Variants in RBMS3 observed in about 807,000 individuals in gnomAD.
RBMS3 encodes RNA binding motif single stranded interacting protein 3, also known as RNA-binding motif, single-stranded-interacting protein 3.
Under a neutral mutation model 66.8 loss-of-function variants are expected in RBMS3, and 27 were observed. That is an observed-to-expected ratio of 0.40 (90% CI 0.30 to 0.56). RBMS3 has a LOEUF of 0.56. Ranked by LOEUF, RBMS3 falls within the 20% of genes least tolerant of loss-of-function variation. RBMS3 has a pLI of 0.40. For synonymous variants in RBMS3, 188 were observed against 183.0 expected, an observed-to-expected ratio of 1.03 and a Z score of -0.22; for missense variants, 513 against 549.5, an observed-to-expected ratio of 0.93 and a Z score of 0.66.
chr3:29,708,758 A>G (rs1167391193), intron 4 of RBMS3, among the ~76,000 whole-genome samples: 1 of 152,182 alleles, frequency 6.6e-6, no homozygotes, highest in Admixed American at 6.5e-5. Flanking sequence ...AGGAATCATC[A>G]TAAGAAGACT....
chr3:29,961,774 T>C (rs1227491446), intron 12 of RBMS3, among the ~76,000 whole-genome samples: 1 of 151,682 alleles, frequency 6.6e-6, no homozygotes, highest in Non-Finnish European at 1.5e-5. Context: ...GCCCCCATGA[T>C]TCAATTACTT....
intron 1 of RBMS3, among the ~76,000 whole-genome samples, chr3:29,339,400 T>G (rs1268109214): frequency 6.6e-6 from 1 of 152,114 alleles, no homozygotes; most frequent in Non-Finnish European, 1.5e-5. Flanking sequence ...TGGCTGCAGG[T>G]CCTCGCAGAT....
intron 2 of RBMS3, among the ~76,000 whole-genome samples, chr3:29,436,928 G>C (rs1398177102): frequency 6.6e-6 from 1 of 152,224 alleles, no homozygotes; most frequent in Non-Finnish European, 1.5e-5. Flanking sequence ...TAATTGATGA[G>C]GGTAGTTGAG....
At chr3:29,545,959 A>G (rs1158998249) in intron 3 of RBMS3, among the ~76,000 whole-genome samples, 4 of 152,070 alleles carry the variant, frequency 2.6e-5, no homozygotes, top group African/African-American at 4.8e-5. Flanking sequence ...AACATTTTTT[A>G]ACATTTGTAA....
At chr3:29,288,682 C>T (rs539372675) in intron 1 of RBMS3, among the ~76,000 whole-genome samples, 1 of 152,106 alleles carries the variant, frequency 6.6e-6, no homozygotes, top group East Asian at 1.9e-4. Context: ...ATACTGACAA[C>T]TTTAGTTTCA....
chr3:29,896,058 C>T (rs2060117840), intron 8 of RBMS3, among the ~76,000 whole-genome samples: 2 of 151,206 alleles, frequency 1.3e-5, no homozygotes, highest in South Asian at 2.1e-4. Context: ...TTCATCCACA[C>T]TATTTTTTTT....
At chr3:29,656,353 TATC>T (rs1431169432) in intron 4 of RBMS3, among the ~76,000 whole-genome samples, 1 of 152,196 alleles carries the variant, frequency 6.6e-6, no homozygotes, top group Non-Finnish European at 1.5e-5. Flanking sequence ...CACAAATAAG[TATC>T]ATTGTGTTAC....
chr3:29,454,793 C>T (rs955457634), intron 2 of RBMS3, among the ~76,000 whole-genome samples: 2 of 152,110 alleles, frequency 1.3e-5, no homozygotes, highest in African/African-American at 4.8e-5. Context: ...AATGTTGTAG[C>T]CCAACATATA....
intron 6 of RBMS3, among the ~76,000 whole-genome samples, chr3:29,802,753 G>A (rs1425512387): frequency 6.6e-6 from 1 of 152,132 alleles, no homozygotes; most frequent in East Asian, 1.9e-4. Context: ...AGAGAAGAGG[G>A]ACAGGTGATT....
intron 4 of RBMS3, among the ~76,000 whole-genome samples, chr3:29,703,242 G>A (rs76196564): frequency 0.024 from 3,588 of 152,222 alleles, 133 homozygotes; most frequent in African/African-American, 0.08. Context: ...ACTTCACTAC[G>A]GAGCTGTACT....
chr3:29,310,551 C>G (rs947801260), intron 1 of RBMS3, among the ~76,000 whole-genome samples: 1 of 151,122 alleles, frequency 6.6e-6, no homozygotes, highest in African/African-American at 2.4e-5. Context: ...TTCTAAAAAC[C>G]TTGGTTAAGG....
At chr3:29,715,248 T>A (rs1210952116) in intron 4 of RBMS3, among the ~76,000 whole-genome samples, 1 of 152,132 alleles carries the variant, frequency 6.6e-6, no homozygotes, top group Non-Finnish European at 1.5e-5. Flanking sequence ...GTGCCAAGCA[T>A]TCTGTGGGCA....
intron 1 of RBMS3, among the ~76,000 whole-genome samples, chr3:29,328,267 G>C (rs2035454960): frequency 6.6e-6 from 1 of 152,162 alleles, no homozygotes; most frequent in South Asian, 2.1e-4. Flanking sequence ...ATATAATGGT[G>C]AGCATGACTT....
chr3:29,829,057 T>G (rs71321108), intron 6 of RBMS3, among the ~76,000 whole-genome samples: 1 of 145,590 alleles, frequency 6.9e-6, no homozygotes, highest in African/African-American at 2.6e-5. Flanking sequence ...TTTTGTTTTG[T>G]TTTTTGAGAC....
In RBMS3 at chr3:29,639,593, CAGAGAGAG is replaced by C. The variant is rs60712857; in HGVS notation, c.399+52412_399+52419del. ...CTATAGATGATAGATAGAAGATAGA[CAGAGAGAG>C]AGAGAGAGAGAGAGAGAGAGAGAAT... On this transcript the variant is annotated intron_variant, in intron 4 of 14. Transcript: ENST00000383767. Among the ~76,000 whole-genome samples, 461 of 143,172 alleles carry C rather than the reference CAGAGAGAG, an allele frequency of 3.2e-3. 5 individuals carry two copies. Among genetic ancestry groups the C allele is most frequent in the Non-Finnish European group, 1.5e-3 (97 of 65,062 alleles). 93.9% of individuals were successfully genotyped at this position (143,172 alleles called of 152,430 possible). A position where few individuals can be genotyped will look rare whatever the true frequency, so the allele number is the denominator to read the frequency against.
chr3:29,422,396 CAA>C (rs386396246), intron 1 of RBMS3, among the ~76,000 whole-genome samples: 7 of 130,764 alleles, frequency 5.4e-5, no homozygotes, highest in Non-Finnish European at 6.4e-5. Flanking sequence ...ATCACCAGCC[CAA>C]AAAAAAAAAA....
chr3:29,505,219 G>T (rs576772210), intron 3 of RBMS3, among the ~76,000 whole-genome samples: 64 of 151,920 alleles, frequency 4.2e-4, no homozygotes, highest in Non-Finnish European at 7.8e-4. Flanking sequence ...AATCCCTTTT[G>T]AGTTGATTTT....
rs1699849056 is a variant in RBMS3 at position 30,007,956 on chromosome 3, A to G, written c.*4094A>G. The G allele has an allele frequency of 6.6e-6, 1 of 152,034 alleles. No individual in the cohort carries two copies. The highest frequency in any genetic ancestry group is 1.5e-5 in the Non-Finnish European group (1 of 67,954). The allele number at this position is 152,034 out of a possible 1,614,324, so 9.4% of individuals were successfully genotyped here. ...AGAAATATAAGGCTGAGAACTGAAG[A>G]AGGCTGTTTAAAGCAGGAATTTCAC... On this transcript the variant is annotated 3_prime_UTR_variant, in exon 15 of 15. Coordinates refer to ENST00000383767, the MANE Select transcript of RBMS3 (RefSeq NM_001003793.3).
intron 1 of RBMS3, among the ~76,000 whole-genome samples, chr3:29,299,791 G>A (rs1015704057): frequency 6.6e-6 from 1 of 151,696 alleles, no homozygotes; most frequent in African/African-American, 2.4e-5. Context: ...TTAGTATGGG[G>A]GTGGGGGTTC....
Sources: allele counts gnomAD v4.1 joint callset (sites outside exome capture counted in the v4.1 genomes callset), GRCh38; gene constraint gnomAD v4.1.1; transcripts MANE v1.5; gene names NCBI Gene and HGNC (gene_info 2026-07-23, HGNC 2026-07-21).